Variants in WWOX observed in about 807,000 individuals in gnomAD.
The protein encoded by WWOX is WW domain-containing oxidoreductase.
Under a neutral mutation model 46.2 loss-of-function variants are expected in WWOX, and 69 were observed. That is an observed-to-expected ratio of 1.49 (90% CI 1.23 to 1.82). The LOEUF is 1.82. Ranked by LOEUF, WWOX falls within the 40% of genes most tolerant of loss-of-function variation. The probability of loss-of-function intolerance (pLI) is 0.00; values close to 1 mark genes in which losing one functional copy is unlikely to be tolerated. For synonymous variants in WWOX, 359 were observed against 202.6 expected, an observed-to-expected ratio of 1.77 and a Z score of -6.56; for missense variants, 919 against 542.6, an observed-to-expected ratio of 1.69 and a Z score of -6.89.
At chr16:78,560,397 C>G (rs568128494) in intron 8 of WWOX, among the ~76,000 whole-genome samples, 1 of 152,174 alleles carries the variant, frequency 6.6e-6, no homozygotes, top group Non-Finnish European at 1.5e-5. Flanking sequence ...AATCCCAGCA[C>G]TTTGGGAGGC....
chr16:78,958,107 A>G (rs932319016), intron 8 of WWOX, among the ~76,000 whole-genome samples: 1 of 152,116 alleles, frequency 6.6e-6, no homozygotes, highest in Non-Finnish European at 1.5e-5. Flanking sequence ...ATTCTCCGAT[A>G]TATTATTTGG....
Position 78,691,300 on chromosome 16 carries a change from C to T in WWOX, c.1056+258548C>T, listed in dbSNP as rs979277967. ...TGATTGTCAGTGACTTTGGTGAGTT[C>T]TTACCTTGTAAAAGATTTACAATTA... On this transcript the variant is annotated intron_variant, in intron 8 of 8. Coordinates refer to ENST00000566780, the MANE Select transcript of WWOX (RefSeq NM_016373.4). 8 of 701,560 alleles carry T rather than the reference C, an allele frequency of 1.1e-5. No individual in the cohort carries two copies. In the African/African-American group the frequency reaches 1.2e-4, roughly 11 times the overall value. 43.5% of individuals were successfully genotyped at this position (701,560 alleles called of 1,614,324 possible).
intron 8 of WWOX, among the ~76,000 whole-genome samples, chr16:78,685,526 T>C (rs1159481934): frequency 6.6e-6 from 1 of 152,208 alleles, no homozygotes; most frequent in African/African-American, 2.4e-5. Context: ...TATCCTAAAA[T>C]GCAAAAATAG....
At chr16:78,574,999 T>TTATACATATATATATATATATATAAATA (rs2044814538) in intron 8 of WWOX, among the ~76,000 whole-genome samples, 1 of 37,016 alleles carries the variant, frequency 2.7e-5, no homozygotes, top group Non-Finnish European at 6.0e-5. Flanking sequence ...TATTTTTCAA[T>TTATACATATATATATATATATATAAATA]TATATATATA....
intron 8 of WWOX, among the ~76,000 whole-genome samples, chr16:78,893,949 T>C (rs1322044354): frequency 3.3e-5 from 5 of 151,974 alleles, no homozygotes; most frequent in African/African-American, 4.8e-5. Context: ...GCTGAGCAGA[T>C]ATTGTGTCTG....
intron 8 of WWOX, among the ~76,000 whole-genome samples, chr16:78,837,550 T>A (rs1445392507): frequency 6.6e-6 from 1 of 152,130 alleles, no homozygotes; most frequent in African/African-American, 2.4e-5. Flanking sequence ...TTTTTTTTAT[T>A]ATTATTTTTT....
chr16:78,594,065 C>T lies in WWOX; in HGVS notation c.1056+161313C>T, dbSNP rs558079830. Among the ~76,000 whole-genome samples the T allele has an allele frequency of 4.6e-5, 7 of 152,192 alleles. No homozygotes were observed. In the East Asian group the frequency reaches 5.8e-4, roughly 13 times the overall value. Reference sequence around the variant, plus strand: ...GAGGCGGAGATGTGAGATGTGATCACGTTTATAAAGTCTGCGGCAAGAGGA... The same window carrying T: ...GAGGCGGAGATGTGAGATGTGATCATGTTTATAAAGTCTGCGGCAAGAGGA... On this transcript the variant is annotated intron_variant, in intron 8 of 8. Transcript: ENST00000566780.
chr16:78,804,501 C>T (rs1365959602), intron 8 of WWOX, among the ~76,000 whole-genome samples: 1 of 152,066 alleles, frequency 6.6e-6, no homozygotes, highest in Non-Finnish European at 1.5e-5. Flanking sequence ...AACAAGCGCA[C>T]ATGCGAAGCG....
intron 4 of WWOX, among the ~76,000 whole-genome samples, chr16:78,127,589 G>A (rs1193960766): frequency 6.7e-6 from 1 of 148,798 alleles, no homozygotes; most frequent in Non-Finnish European, 1.5e-5. Flanking sequence ...TATTAAACTT[G>A]GGGGAAAAAG....
At chr16:78,176,202 C>G (rs1186340911) in intron 5 of WWOX, among the ~76,000 whole-genome samples, 1 of 152,240 alleles carries the variant, frequency 6.6e-6, no homozygotes, top group Non-Finnish European at 1.5e-5. Context: ...CCAGCTAAAA[C>G]TCACGTCTCT....
At chr16:78,501,372 C>T (rs567407981) in intron 8 of WWOX, among the ~76,000 whole-genome samples, 28 of 151,876 alleles carry the variant, frequency 1.8e-4, no homozygotes, top group Non-Finnish European at 2.9e-4. Flanking sequence ...CTCCTCTAGC[C>T]GGCTGCAGCA....
chr16:79,052,498 C>T lies in WWOX; in HGVS notation c.1057-159110C>T, dbSNP rs1238556917. The stretch of plus-strand genomic sequence containing the variant: ...ACATGCACACATATGTTTATTGCGG[C>T]ATTATTCACAATAGCAAAGACTTGG... On this transcript the variant is annotated intron_variant, in intron 8 of 8. Coordinates refer to ENST00000566780, the MANE Select transcript of WWOX (RefSeq NM_016373.4). Among the ~76,000 whole-genome samples, 7 of 152,296 alleles carry T rather than the reference C, an allele frequency of 4.6e-5. No homozygotes were observed. The East Asian group carries it at 1.4e-3, about 29-fold the overall frequency.
At chr16:78,574,769 A>C (rs551157343) in intron 8 of WWOX, among the ~76,000 whole-genome samples, 34 of 151,102 alleles carry the variant, frequency 2.3e-4, no homozygotes, top group Non-Finnish European at 4.1e-4. Flanking sequence ...GAATAGAAAC[A>C]GAGAGTGAGA....
intron 8 of WWOX, among the ~76,000 whole-genome samples, chr16:79,098,483 A>G (rs529377619): frequency 6.6e-6 from 1 of 152,258 alleles, no homozygotes; most frequent in East Asian, 1.9e-4. Context: ...AAAGAAGGTC[A>G]TTGGAATCTT....
At chr16:78,416,059 A>G (rs1028561733) in intron 6 of WWOX, among the ~76,000 whole-genome samples, 6 of 152,186 alleles carry the variant, frequency 3.9e-5, no homozygotes, top group African/African-American at 1.4e-4. Flanking sequence ...AAGGAGGACA[A>G]CCTTTTCTGC....
At position 78,417,158 on chromosome 16, in the gene WWOX, A is replaced by G. The variant is rs76523613; in HGVS notation, c.606-7712A>G. Reference sequence around the variant, plus strand: ...GGTGATTACAGCTCACTGCAGCCACAACCTCCCAGGTTCAAGAGATCCTCC... The same window carrying G: ...GGTGATTACAGCTCACTGCAGCCACGACCTCCCAGGTTCAAGAGATCCTCC... On this transcript the variant is annotated intron_variant, in intron 6 of 8. Coordinates refer to ENST00000566780, the MANE Select transcript of WWOX (RefSeq NM_016373.4). 6.5e-3 allele frequency among the ~76,000 whole-genome samples: 996 copies of G among 152,110 alleles called. 28 individuals are homozygous for G. Among genetic ancestry groups the G allele is most frequent in the East Asian group, 0.062 (320 of 5,172 alleles).
At chr16:78,689,089 G>C (rs1470783036) in intron 8 of WWOX, among the ~76,000 whole-genome samples, 9 of 152,098 alleles carry the variant, frequency 5.9e-5, no homozygotes, top group Admixed American at 5.9e-4. Flanking sequence ...GTCTTTATTA[G>C]TGGCATGAGA....
At chr16:79,122,851 C>T (rs991268454) in intron 8 of WWOX, among the ~76,000 whole-genome samples, 7 of 152,156 alleles carry the variant, frequency 4.6e-5, no homozygotes, top group Admixed American at 4.6e-4. Context: ...GCCCATTTTA[C>T]AGAAGCAGCA....
intron 8 of WWOX, among the ~76,000 whole-genome samples, chr16:78,436,189 C>A (rs983580290): frequency 4.6e-5 from 7 of 152,158 alleles, no homozygotes; most frequent in African/African-American, 1.4e-4. Context: ...GATGATGATT[C>A]TCCAAAATGT....
Sources: allele counts gnomAD v4.1 joint callset (sites outside exome capture counted in the v4.1 genomes callset), GRCh38; gene constraint gnomAD v4.1.1; transcripts MANE v1.5; gene names NCBI Gene and HGNC (gene_info 2026-07-23, HGNC 2026-07-21).